The following DIAPH2 variants were observed in gnomAD, a reference collection of about 807,000 sequenced individuals.
DIAPH2 encodes protein diaphanous homolog 2.
A neutral mutation model predicts 92.7 loss-of-function variants in DIAPH2; 35 were observed. That is an observed-to-expected ratio of 0.38 (90% CI 0.29 to 0.50). The LOEUF (loss-of-function observed/expected upper bound fraction) is 0.50. Among genes scored for constraint, DIAPH2 ranks in the 20% least tolerant of loss-of-function variants. The pLI is 0.94. For synonymous variants in DIAPH2, 301 were observed against 280.4 expected (o/e 1.07, Z -0.73); for missense variants, 701 against 819.5 (o/e 0.86, Z 1.77).
intron 5 of DIAPH2, chrX:96,884,479 T>C (rs1444995303): frequency 2.3e-5 from 28 of 1,209,132 alleles, no homozygotes; most frequent in Admixed American, 4.4e-5. Flanking sequence ...GCTTCTCAGC[T>C]CTACTGTGTT....
At chrX:96,969,479 T>A (rs776307169) in intron 17 of DIAPH2, among the ~76,000 whole-genome samples, 13 of 48,018 alleles carry the variant, frequency 2.7e-4, no homozygotes, top group Non-Finnish European at 4.2e-4. Flanking sequence ...AGGTATTTCA[T>A]TTTTTTTTTT....
intron 12 of DIAPH2, among the ~76,000 whole-genome samples, chrX:96,939,864 C>T: frequency 1.2e-5 from 1 of 83,741 alleles, no homozygotes; most frequent in Non-Finnish European, 2.2e-5. Context: ...GGGGTTTCAC[C>T]GTGTTAGCCA....
chrX:97,233,617 G>T (rs1307466880), intron 22 of DIAPH2, among the ~76,000 whole-genome samples: 2 of 111,703 alleles, frequency 1.8e-5, no homozygotes, highest in Admixed American at 1.9e-4. Context: ...TGGGATAATG[G>T]AGAATTTCAT....
At chrX:97,173,973 T>A (rs2067473038) in intron 22 of DIAPH2, among the ~76,000 whole-genome samples, 1 of 107,493 alleles carries the variant, frequency 9.3e-6, no homozygotes, top group Non-Finnish European at 1.9e-5. Flanking sequence ...AAAGTAGCAG[T>A]TAAGCAGTAG....
chrX:96,829,424 C>T (rs956883124), intron 4 of DIAPH2, among the ~76,000 whole-genome samples: 6 of 77,694 alleles, frequency 7.7e-5, no homozygotes, highest in African/African-American at 3.7e-4. Flanking sequence ...AAATCAATAG[C>T]ATTTACATAT....
At chrX:96,711,471 ATCT>A (rs1308629647) in intron 1 of DIAPH2, among the ~76,000 whole-genome samples, 1 of 112,053 alleles carries the variant, frequency 8.9e-6, no homozygotes, top group African/African-American at 3.2e-5. Context: ...CCATTTGCAT[ATCT>A]TCTTTTGAGA....
At chrX:97,567,605 T>C (rs746937543) in intron 26 of DIAPH2, among the ~76,000 whole-genome samples, 3 of 111,746 alleles carry the variant, frequency 2.7e-5, no homozygotes, top group African/African-American at 9.7e-5. Flanking sequence ...TTATCCCTAT[T>C]CTGATGTGAC....
intron 22 of DIAPH2, among the ~76,000 whole-genome samples, chrX:97,171,542 G>A (rs1306136046): frequency 8.9e-6 from 1 of 112,252 alleles, no homozygotes; most frequent in Non-Finnish European, 1.9e-5. Flanking sequence ...GCAGAAGGTA[G>A]TCCTTATAGG....
intron 22 of DIAPH2, among the ~76,000 whole-genome samples, chrX:97,180,345 G>A (rs1025179003): frequency 4.0e-4 from 45 of 111,657 alleles, no homozygotes; most frequent in African/African-American, 1.3e-3. Context: ...AGTTTTTGAT[G>A]GGGTTGTTTG....
At chrX:97,108,877 G>A (rs1035725657) in intron 20 of DIAPH2, among the ~76,000 whole-genome samples, 4 of 111,181 alleles carry the variant, frequency 3.6e-5, no homozygotes, top group African/African-American at 1.3e-4. Context: ...ATTTTACGTT[G>A]GGTTTGGGGG....
intron 5 of DIAPH2, among the ~76,000 whole-genome samples, chrX:96,902,962 G>T (rs2065408422): frequency 9.0e-6 from 1 of 111,332 alleles, no homozygotes; most frequent in African/African-American, 3.3e-5. Context: ...AAAAATGTCT[G>T]TGAACATTAA....
chrX:96,865,607 G>T (rs1440319194), intron 4 of DIAPH2, among the ~76,000 whole-genome samples: 1 of 111,977 alleles, frequency 8.9e-6, no homozygotes, highest in Non-Finnish European at 1.9e-5. Context: ...ATTACCCAGG[G>T]CCTGGCAGGC....
chrX:97,001,663 A>G (rs918501067), intron 17 of DIAPH2, among the ~76,000 whole-genome samples: 1 of 111,341 alleles, frequency 9.0e-6, no homozygotes, highest in Non-Finnish European at 1.9e-5. Flanking sequence ...AAACAAAACA[A>G]AACAAAACAA....
intron 19 of DIAPH2, among the ~76,000 whole-genome samples, chrX:97,075,546 A>G (rs5921297): frequency 0.31 from 34,298 of 110,732 alleles, 4,902 homozygotes; most frequent in South Asian, 0.52. Flanking sequence ...TGTACATACA[A>G]TTACATGTAC....
intron 26 of DIAPH2, among the ~76,000 whole-genome samples, chrX:97,434,252 A>G (rs2070157098): frequency 9.0e-6 from 1 of 111,243 alleles, no homozygotes. Flanking sequence ...AACACAAGTT[A>G]CGCATTAGAA....
In DIAPH2 at chrX:96,919,702, C is replaced by T. The variant is rs1023955687; in HGVS notation, c.978+1085C>T. On this transcript the variant is annotated intron_variant, in intron 9 of 26. Coordinates refer to ENST00000324765, the MANE Select transcript of DIAPH2 (RefSeq NM_006729.5). ...TATTTTTGTTTGCCAGAGTTTGAAA[C>T]GGCATCAGATAGATGAATTGGCTTG... is the stretch of plus-strand genomic sequence containing the variant. Among the ~76,000 whole-genome samples, 9 of 110,436 alleles carry T rather than the reference C, an allele frequency of 8.1e-5. No individual in the cohort carries two copies. In the East Asian group the frequency reaches 1.7e-3, roughly 21 times the overall value.
intron 25 of DIAPH2, among the ~76,000 whole-genome samples, chrX:97,399,306 G>A (rs1309470067): frequency 9.0e-6 from 1 of 111,284 alleles, no homozygotes; most frequent in Non-Finnish European, 1.9e-5. Context: ...GTAGGGAAAG[G>A]AAACCTTTTG....
chrX:97,084,271 A>G (rs2147346776), intron 19 of DIAPH2, among the ~76,000 whole-genome samples: 1 of 111,539 alleles, frequency 9.0e-6, no homozygotes, highest in Admixed American at 9.5e-5. Flanking sequence ...TTTATCTTTT[A>G]AATAGCTAGT....
At chrX:97,291,088 C>CAA (rs376936652) in intron 23 of DIAPH2, among the ~76,000 whole-genome samples, 1 of 95,613 alleles carries the variant, frequency 1.0e-5, no homozygotes, top group African/African-American at 3.8e-5. Flanking sequence ...CAGGCTCTGT[C>CAA]AAAAAAAAAA....
Sources: gnomAD v4.1 joint callset for allele counts (sites outside exome capture counted in the v4.1 genomes callset) on GRCh38, gnomAD v4.1.1 for gene constraint, MANE v1.5 for transcripts, NCBI Gene and HGNC (gene_info 2026-07-23, HGNC 2026-07-21) for gene names.